Variants in NOBOX observed in about 807,000 individuals in gnomAD.
The protein encoded by NOBOX is NOBOX oogenesis homeobox, also known as homeobox protein NOBOX.
Under a neutral mutation model 60.2 loss-of-function variants are expected in NOBOX, and 46 were observed. The ratio of observed to expected loss-of-function variants is 0.76; its 90% CI spans 0.60 to 0.98. The LOEUF is 0.98. Ranked by LOEUF, NOBOX falls within the 50% of genes least tolerant of loss-of-function variation. The probability of loss-of-function intolerance (pLI) is 0.00; values close to 1 mark genes in which losing one functional copy is unlikely to be tolerated. For synonymous variants in NOBOX, 360 were observed against 346.3 expected (o/e 1.04, Z -0.44); for missense variants, 880 against 865.5 (o/e 1.02, Z -0.21).
intron 1 of NOBOX, among the ~76,000 whole-genome samples, chr7:144,407,773 G>A (rs144203462): frequency 6.6e-6 from 1 of 152,230 alleles, no homozygotes; most frequent in Admixed American, 6.5e-5. Flanking sequence ...GCAGGGCCAG[G>A]ACAAGTTCTG....
chr7:144,400,249 C>T lies in NOBOX; in HGVS notation c.908G>A (p.Arg303Gln), dbSNP rs200423745. 67 of 1,614,070 alleles carry T rather than the reference C, an allele frequency of 4.2e-5. No homozygotes were observed. Among genetic ancestry groups the T allele is most frequent in the Non-Finnish European group, 4.9e-5 (58 of 1,179,908 alleles). Residue 303 changes from arginine (R) to glutamine (Q), a missense_variant, in exon 5 of 10, where the codon CGA (arginine) becomes CAA (glutamine). Coordinates refer to ENST00000467773, the MANE Select transcript of NOBOX (RefSeq NM_001080413.3). ...CACCCCCACCGTCTGGGCAATCTCT[C>T]GGCGTTTATCACTGTCAGGATAGTG...
chr7:144,402,540 T>TA (rs2128862158), intron 2 of NOBOX, among the ~76,000 whole-genome samples: 1 of 152,202 alleles, frequency 6.6e-6, no homozygotes, highest in Admixed American at 6.5e-5. Context: ...TCTGTGTACT[T>TA]AATCACCACA....
chr7:144,404,256 T>G (rs1393376320), intron 2 of NOBOX, among the ~76,000 whole-genome samples: 8 of 152,178 alleles, frequency 5.3e-5, no homozygotes, highest in African/African-American at 1.4e-4. Flanking sequence ...ATTTTGTTTG[T>G]TTTTGTTTTT....
At position 144,398,414 on chromosome 7, in the gene NOBOX, A is replaced by G. The variant is rs543487795; in HGVS notation, c.1642T>C (p.Ser548Pro). Residue 548 changes from serine to proline, a missense_variant, in exon 9 of 10, where the codon TCA becomes CCA. Coordinates refer to ENST00000467773, the MANE Select transcript of NOBOX (RefSeq NM_001080413.3). ...TCTTCGGGCGGTGGAAGCGTCAGTG[A>G]ACTGGGCATGGAGAAGGGGAAAGTG... The G allele has an allele frequency of 1.6e-5, 25 of 1,537,240 alleles. No homozygotes were observed. The South Asian group carries it at 2.9e-4, about 18-fold the overall frequency.
At position 144,401,612 on chromosome 7, in the gene NOBOX, C is replaced by A; in HGVS notation, c.293-15G>T. 6.7e-7 allele frequency: 1 copy of A among 1,501,018 alleles called. No homozygotes were observed. Among genetic ancestry groups the A allele is most frequent in the Non-Finnish European group, 8.8e-7 (1 of 1,133,550 alleles). The allele number at this position is 1,501,018 out of a possible 1,614,324, so 93.0% of individuals were successfully genotyped here. On this transcript the variant is annotated splice_polypyrimidine_tract_variant and intron_variant, in intron 3 of 9. Coordinates refer to ENST00000467773, the MANE Select transcript of NOBOX (RefSeq NM_001080413.3). This position sits in a 1 kb window ranked among gnomAD's most constrained non-coding sequence, Gnocchi z 4.2. ...AGCTTTCTGGCCTGTGGGGAGCCAA[C>A]ATCCACTGACCTTAGCACCAGGGAG...
Position 144,401,900 on chromosome 7 carries a change from G to C in NOBOX, c.261C>G (p.Pro87=). 14 of 1,612,650 alleles carry C rather than the reference G, an allele frequency of 8.7e-6. No homozygotes were observed. The highest frequency in any genetic ancestry group is 1.2e-5 in the Non-Finnish European group (14 of 1,178,776). Reference sequence around the variant, plus strand: ...TGAGTTCCCTTTTCCCAGACACCAGGGGTATGAGTTTGAGGGACTGTTCAG... The same window carrying C: ...TGAGTTCCCTTTTCCCAGACACCAGCGGTATGAGTTTGAGGGACTGTTCAG... Residue 87 remains proline (P), a synonymous_variant, in exon 3 of 10, where the codon CCC becomes CCG. Transcript: ENST00000467773. This position sits in a 1 kb window ranked among gnomAD's most constrained non-coding sequence, Gnocchi z 4.2.
chr7:144,402,971 G>T (rs1206345525), intron 2 of NOBOX, among the ~76,000 whole-genome samples: 1 of 152,026 alleles, frequency 6.6e-6, no homozygotes, highest in Non-Finnish European at 1.5e-5. Context: ...TGGCCAGGCT[G>T]GTCTCCAACT....
At chr7:144,403,724 G>GT (rs1392782394) in intron 2 of NOBOX, 31 bp from the exon 1 acceptor site, 1 of 697,982 alleles carries the variant, frequency 1.4e-6, no homozygotes. Context: ...CGGCCGGCCC[G>GT]TGATGCACAG....
At chr7:144,403,736 C>T (rs1254110609) in intron 2 of NOBOX, 43 bp from the exon 1 acceptor site, 2 of 693,052 alleles carry the variant, frequency 2.9e-6, no homozygotes, top group African/African-American at 3.6e-5. Flanking sequence ...GATGCACAGG[C>T]GCGGCCTAAT....
At chr7:144,397,981 A>G (rs1158974105) in intron 9 of NOBOX, among the ~76,000 whole-genome samples, 3 of 152,206 alleles carry the variant, frequency 2.0e-5, no homozygotes, top group Non-Finnish European at 2.9e-5. Context: ...TCCCTGACAT[A>G]GAACTGTGAG....
In NOBOX at chr7:144,401,828, C is replaced by T. The variant is rs150513249; in HGVS notation, c.292+41G>A. 2.1e-4 allele frequency: 279 copies of T among 1,357,592 alleles called. 3 individuals are homozygous for T. In the African/African-American group the frequency reaches 2.7e-3, roughly 13 times the overall value. The allele number at this position is 1,357,592 out of a possible 1,614,324, so 84.1% of individuals were successfully genotyped here. A position where few individuals can be genotyped will look rare whatever the true frequency, so the allele number is the denominator to read the frequency against. On this transcript the variant is annotated intron_variant, in intron 3 of 9. Transcript: ENST00000467773. This position sits in a 1 kb window ranked among gnomAD's most constrained non-coding sequence, Gnocchi z 4.2. ...TAGACAAATTTATGCAATTCTGAGA[C>T]GGCGTTAGCTCATGGTATCTCCTAA...
intron 1 of NOBOX, among the ~76,000 whole-genome samples, chr7:144,407,280 A>C (rs372478853): frequency 6.6e-6 from 1 of 152,224 alleles, no homozygotes; most frequent in Non-Finnish European, 1.5e-5. Context: ...CATTTTTTGA[A>C]GCAAAACCAC....
At position 144,399,799 on chromosome 7, in the gene NOBOX, T is replaced by G. The variant is rs189306575; in HGVS notation, c.1112A>C (p.Lys371Thr). The G allele has an allele frequency of 1.0e-4, 161 of 1,613,008 alleles. No individual in the cohort carries two copies. In the African/African-American group the frequency reaches 1.5e-3, roughly 15 times the overall value. Residue 371 changes from lysine (K) to threonine (T), a missense_variant, in exon 6 of 10, where the codon AAG becomes ACG. Lys to Thr is a moderately conservative substitution (Grantham distance 78). Coordinates refer to ENST00000467773, the MANE Select transcript of NOBOX (RefSeq NM_001080413.3). ...AGGGCCAGGGGCTGCAGGATTGTCC[T>G]TGCTTTCTTTCCCATTCAGTTTCTC...
At chr7:144,399,265 C>T (rs1486524734) in intron 7 of NOBOX, 87 bp from the exon 6 acceptor site, 1 of 936,938 alleles carries the variant, frequency 1.1e-6, no homozygotes, top group Non-Finnish European at 1.7e-6. Context: ...CAAGCCATGC[C>T]CAGGTCCCCC....
Position 144,401,524 on chromosome 7 carries a change from A to G in NOBOX, c.366T>C (p.His122=). The G allele has an allele frequency of 6.6e-7, 1 of 1,520,500 alleles. No homozygotes were observed. The allele number at this position is 1,520,500 out of a possible 1,614,324, so 94.2% of individuals were successfully genotyped here. The stretch of plus-strand genomic sequence containing the variant: ...GTTCCTCACTCTGAGTGTCCTGAGC[A>G]TGAGGGGCTGAGCCCCGGAGCAGTT... The change falls in exon 4 of 10, where the codon CAT becomes CAC. Residue 122 remains histidine (H), a synonymous_variant. Coordinates refer to ENST00000467773, the MANE Select transcript of NOBOX (RefSeq NM_001080413.3). This position sits in a 1 kb window ranked among gnomAD's most constrained non-coding sequence, Gnocchi z 4.2.
At chr7:144,404,775 C>A (rs2053974389) in intron 1 of NOBOX, 5 of 1,376,628 alleles carry the variant, frequency 3.6e-6, no homozygotes, top group Admixed American at 2.0e-5. Context: ...GGAGATCTCA[C>A]AGGGGTGCAG....
intron 1 of NOBOX, among the ~76,000 whole-genome samples, chr7:144,406,217 C>T (rs2053984239): frequency 6.6e-6 from 1 of 152,172 alleles, no homozygotes; most frequent in Admixed American, 6.5e-5. Context: ...GATACAGGGT[C>T]TGAGTCTACA....
In NOBOX at chr7:144,404,676, C is replaced by T. The variant is rs964825866; in HGVS notation, c.90G>A (p.Pro30=). 2 of 1,613,376 alleles carry T rather than the reference C, an allele frequency of 1.2e-6. No individual in the cohort carries two copies. The highest frequency in any genetic ancestry group is 2.2e-5 in the East Asian group (1 of 44,894). Residue 30 remains proline, a synonymous_variant, in exon 2 of 10, where the codon CCG becomes CCA. Transcript: ENST00000467773. ...CAGGAAATTCAGGTACAGCCAGGGG[C>T]GGCCCTGCCAGGGACGGTGTGGTTA...
In NOBOX at chr7:144,399,793, T is replaced by C; in HGVS notation, c.1118A>G (p.Asn373Ser). Reference sequence around the variant, plus strand: ...GCTGGCAGGGCCAGGGGCTGCAGGATTGTCCTTGCTTTCTTTCCCATTCAG... The same window carrying C: ...GCTGGCAGGGCCAGGGGCTGCAGGACTGTCCTTGCTTTCTTTCCCATTCAG... Residue 373 changes from asparagine to serine, a missense_variant, in exon 6 of 10, where the codon AAT becomes AGT. Asn to Ser is a conservative substitution (Grantham distance 46). Transcript: ENST00000467773. 2 of 1,612,956 alleles carry C rather than the reference T, an allele frequency of 1.2e-6. No individual in the cohort carries two copies. Among genetic ancestry groups the C allele is most frequent in the Non-Finnish European group, 1.7e-6 (2 of 1,179,294 alleles).
Sources: gnomAD v4.1 joint callset for allele counts (sites outside exome capture counted in the v4.1 genomes callset) on GRCh38, gnomAD v4.1.1 for gene constraint, Gnocchi (gnomAD v3.1) non-coding constraint, MANE v1.5 for transcripts, NCBI Gene and HGNC (gene_info 2026-07-23, HGNC 2026-07-21) for gene names.